DLG2: variants seen among roughly 807,000 people sequenced by gnomAD.
The protein encoded by DLG2 is disks large homolog 2.
A neutral mutation model predicts 132.5 loss-of-function variants in DLG2; 45 were observed. The ratio of observed to expected loss-of-function variants is 0.34; its 90% CI spans 0.27 to 0.44. The LOEUF (loss-of-function observed/expected upper bound fraction) is 0.44. DLG2 is among the 20% of genes least tolerant of loss of function. DLG2 has a pLI of 1.00. For missense variants in DLG2, 1,045 were observed against 1,196.9 expected (o/e 0.87, Z 1.87); for synonymous variants, 424 against 419.6 (o/e 1.01, Z -0.13).
At chr11:84,673,036 T>C (rs1337301753) in intron 6 of DLG2, among the ~76,000 whole-genome samples, 1 of 151,974 alleles carries the variant, frequency 6.6e-6, no homozygotes, top group Non-Finnish European at 1.5e-5. Context: ...ACTCACTCAC[T>C]GTCATAAAAA....
At chr11:83,722,228 T>C (rs1223156408) in intron 18 of DLG2, among the ~76,000 whole-genome samples, 2 of 152,166 alleles carry the variant, frequency 1.3e-5, no homozygotes, top group African/African-American at 2.4e-5. Flanking sequence ...TTTTTCTCAT[T>C]GATCATTATG....
intron 21 of DLG2, among the ~76,000 whole-genome samples, chr11:83,500,913 C>T (rs996719578): frequency 1.3e-5 from 2 of 152,082 alleles, no homozygotes; most frequent in Non-Finnish European, 2.9e-5. Flanking sequence ...AGCTTTGTGA[C>T]TCCTATTAAT....
intron 3 of DLG2, among the ~76,000 whole-genome samples, chr11:85,587,688 C>T (rs187402973): frequency 6.5e-4 from 99 of 152,308 alleles, no homozygotes; most frequent in African/African-American, 2.3e-3. Flanking sequence ...AGGTCATTTA[C>T]ATTCAACATA....
At chr11:84,310,855 G>A (rs556978839) in intron 7 of DLG2, among the ~76,000 whole-genome samples, 126 of 152,260 alleles carry the variant, frequency 8.3e-4, no homozygotes, top group African/African-American at 1.8e-3. Flanking sequence ...AAAGTCCTCC[G>A]CACTCAAGTT....
chr11:85,380,810 A>T (rs11824843), intron 3 of DLG2, among the ~76,000 whole-genome samples: 2 of 152,158 alleles, frequency 1.3e-5, no homozygotes, highest in African/African-American at 4.8e-5. Context: ...AGGAATGACA[A>T]CACTTATAGG....
Position 84,130,874 on chromosome 11 carries a change from C to T in DLG2, c.625-31827G>A, listed in dbSNP as rs1165318836. Among the ~76,000 whole-genome samples the T allele has an allele frequency of 3.3e-5, 5 of 151,144 alleles. No individual in the cohort carries two copies. In the East Asian group the frequency reaches 7.8e-4, roughly 24 times the overall value. ...CTCATTGAAAGTGGAACTACCTGTT[C>T]TGAGAAACAAACTCATACAGAGAAA... is the stretch of plus-strand genomic sequence containing the variant. On this transcript the variant is annotated intron_variant, in intron 9 of 27. Transcript: ENST00000376104.
intron 3 of DLG2, among the ~76,000 whole-genome samples, chr11:85,381,974 C>G (rs574697765): frequency 1.1e-3 from 175 of 152,202 alleles, no homozygotes; most frequent in Non-Finnish European, 2.1e-3. Context: ...ATGGTCATAA[C>G]ACCCTGAAAA....
At chr11:83,799,618 T>C (rs1276384421) in intron 17 of DLG2, among the ~76,000 whole-genome samples, 2 of 152,224 alleles carry the variant, frequency 1.3e-5, no homozygotes, top group African/African-American at 4.8e-5. Context: ...TAATATTTAC[T>C]GTGTTGAGCA....
At chr11:84,567,137 T>C (rs1592531668) in intron 6 of DLG2, among the ~76,000 whole-genome samples, 1 of 152,104 alleles carries the variant, frequency 6.6e-6, no homozygotes, top group African/African-American at 2.4e-5. Context: ...GGGGTATAAA[T>C]GCTAGCCTTT....
chr11:84,919,756 A>G (rs2154082864), intron 6 of DLG2, among the ~76,000 whole-genome samples: 1 of 152,292 alleles, frequency 6.6e-6, no homozygotes, highest in East Asian at 1.9e-4. Context: ...TACCTTCAAA[A>G]ATTGATCCAT....
At chr11:84,092,759 T>A (rs1378708289) in intron 10 of DLG2, among the ~76,000 whole-genome samples, 1 of 152,022 alleles carries the variant, frequency 6.6e-6, no homozygotes. Flanking sequence ...ACAAACCGGC[T>A]GGGTACGGTG....
At chr11:84,243,894 A>T (rs191155744) in intron 8 of DLG2, among the ~76,000 whole-genome samples, 257 of 152,328 alleles carry the variant, frequency 1.7e-3, no homozygotes, top group Non-Finnish European at 2.4e-3. Flanking sequence ...GCATACTAGG[A>T]TGAGTATTCA....
At chr11:84,420,900 C>G (rs2098948403) in intron 7 of DLG2, among the ~76,000 whole-genome samples, 1 of 151,562 alleles carries the variant, frequency 6.6e-6, no homozygotes, top group Admixed American at 6.6e-5. Flanking sequence ...GATCTCCTGA[C>G]CTCGTGATCT....
intron 7 of DLG2, among the ~76,000 whole-genome samples, chr11:84,418,872 C>T (rs540238786): frequency 3.6e-4 from 55 of 152,266 alleles, no homozygotes; most frequent in South Asian, 2.3e-3. Context: ...TCTTTATAAT[C>T]AGTTAATTTT....
At chr11:85,591,836 G>T (rs1238499155) in intron 3 of DLG2, among the ~76,000 whole-genome samples, 1 of 152,174 alleles carries the variant, frequency 6.6e-6, no homozygotes, top group East Asian at 1.9e-4. Context: ...ATAAACTCTT[G>T]ACGAAATTTT....
At chr11:85,608,156 C>T (rs957968933) in intron 2 of DLG2, among the ~76,000 whole-genome samples, 4 of 152,004 alleles carry the variant, frequency 2.6e-5, no homozygotes, top group African/African-American at 7.3e-5. Context: ...GTCCAGGGAC[C>T]GTTGTGGGTT....
chr11:85,149,470 T>C (rs2077083950), intron 5 of DLG2, among the ~76,000 whole-genome samples: 2 of 152,178 alleles, frequency 1.3e-5, no homozygotes, highest in Non-Finnish European at 2.9e-5. Flanking sequence ...TAAATCTTGA[T>C]TATCTGATGC....
At chr11:84,703,620 G>T (rs1189306782) in intron 6 of DLG2, among the ~76,000 whole-genome samples, 1 of 151,268 alleles carries the variant, frequency 6.6e-6, no homozygotes, top group Non-Finnish European at 1.5e-5. Flanking sequence ...CATACGATTA[G>T]TTACTTGGGT....
At chr11:84,895,438 G>A (rs955563544) in intron 6 of DLG2, among the ~76,000 whole-genome samples, 5 of 151,994 alleles carry the variant, frequency 3.3e-5, no homozygotes, top group African/African-American at 9.7e-5. Context: ...AATCAAATAA[G>A]GTCATAAAAA....
Sources: allele counts gnomAD v4.1 joint callset (sites outside exome capture counted in the v4.1 genomes callset), GRCh38; gene constraint gnomAD v4.1.1; transcripts MANE v1.5; gene names NCBI Gene and HGNC (gene_info 2026-07-23, HGNC 2026-07-21).